Variants in VWA8 observed in about 807,000 individuals in gnomAD.
VWA8 encodes von Willebrand factor A domain containing 8, also known as von Willebrand factor A domain-containing protein 8.
In VWA8, 221 loss-of-function variants were observed where a neutral mutation model predicts 241.5. That is an observed-to-expected ratio of 0.91 (90% CI 0.82 to 1.02). The LOEUF (loss-of-function observed/expected upper bound fraction) is 1.02. Among genes scored for constraint, VWA8 ranks in the 50% least tolerant of loss-of-function variants. VWA8 has a pLI of 0.00. For synonymous variants in VWA8, 852 were observed against 827.1 expected (o/e 1.03, Z -0.52); for missense variants, 2,322 against 2,328.7 (o/e 1.00, Z 0.06).
chr13:41,611,393 C>G (rs1183250890), intron 39 of VWA8, among the ~76,000 whole-genome samples, 183 bp downstream of exon 39: 1 of 152,150 alleles, frequency 6.6e-6, no homozygotes, highest in African/African-American at 2.4e-5. Flanking sequence ...GTAGAAAGAA[C>G]AGGTGATTTT....
intron 12 of VWA8, among the ~76,000 whole-genome samples, chr13:41,841,820 A>ATAT (rs1303621935): frequency 5.4e-4 from 12 of 22,220 alleles, no homozygotes; most frequent in African/African-American, 1.9e-3. Flanking sequence ...AAAAAAAAAA[A>ATAT]ATATATATAT....
In VWA8 at chr13:41,774,863, T is replaced by C. The variant is rs772419691; in HGVS notation, c.2349+3122A>G. Among the ~76,000 whole-genome samples, 10 of 152,276 alleles carry C rather than the reference T, an allele frequency of 6.6e-5. No individual in the cohort carries two copies. In the East Asian group the frequency reaches 9.6e-4, roughly 15 times the overall value. On this transcript the variant is annotated intron_variant, in intron 20 of 44. Transcript: ENST00000379310. Reference sequence around the variant, plus strand: ...ATCAATTTACTCACTAACAATTTACTCAACTATCACAGAGAGTTAAAAAAT... The same window carrying C: ...ATCAATTTACTCACTAACAATTTACCCAACTATCACAGAGAGTTAAAAAAT...
intron 2 of VWA8, among the ~76,000 whole-genome samples, chr13:41,939,575 C>A (rs1258090857): frequency 6.6e-6 from 1 of 152,130 alleles, no homozygotes. Flanking sequence ...GTGCCCAATG[C>A]TGTGCCCAAT....
At chr13:41,750,300 G>A (rs1164456524) in intron 21 of VWA8, among the ~76,000 whole-genome samples, 1 of 151,990 alleles carries the variant, frequency 6.6e-6, no homozygotes, top group Non-Finnish European at 1.5e-5. Flanking sequence ...GGGCACAGTG[G>A]TGCGTGCCTG....
Position 41,761,190 on chromosome 13 carries a change from G to GT in VWA8, c.2363dup (p.Asn788LysfsTer5). The GT allele has an allele frequency of 6.2e-7, 1 of 1,611,340 alleles. No individual in the cohort carries two copies. Among genetic ancestry groups the GT allele is most frequent in the South Asian group, 1.1e-5 (1 of 90,978 alleles). On this transcript the variant is annotated frameshift_variant, in exon 21 of 45. Coordinates refer to ENST00000379310, the MANE Select transcript of VWA8 (RefSeq NM_015058.2). LOFTEE classifies it high-confidence loss of function. The stretch of plus-strand genomic sequence containing the variant: ...GGTGAAGGAATCTGTCAACAATCTT[G>GT]TTTTTTCCTACACCCTGTAATTACA...
rs532819870 is a variant in VWA8, at chr13:41,637,394, C to A, written c.4612-22310G>T. Among the ~76,000 whole-genome samples, 3 of 123,908 alleles carry A rather than the reference C, an allele frequency of 2.4e-5. No homozygotes were observed. In the South Asian group the frequency reaches 7.9e-4, roughly 33 times the overall value. The allele number at this position is 123,908 out of a possible 152,430, so 81.3% of individuals were successfully genotyped here. A position where few individuals can be genotyped will look rare whatever the true frequency, so the allele number is the denominator to read the frequency against. Reference sequence around the variant, plus strand: ...CACGTGGACACAGGAAGGGGAACATCACACTCTGGGGCCTGTTGTGGGGTG... The same window carrying A: ...CACGTGGACACAGGAAGGGGAACATAACACTCTGGGGCCTGTTGTGGGGTG... On this transcript the variant is annotated intron_variant, in intron 37 of 44. Coordinates refer to ENST00000379310, the MANE Select transcript of VWA8 (RefSeq NM_015058.2).
chr13:41,747,229 A>T (rs2045615034), intron 21 of VWA8, among the ~76,000 whole-genome samples: 1 of 152,218 alleles, frequency 6.6e-6, no homozygotes, highest in African/African-American at 2.4e-5. Context: ...CCTATCCATG[A>T]GCATGGAATG....
chr13:41,767,282 G>A (rs928195551), intron 20 of VWA8, among the ~76,000 whole-genome samples: 2 of 151,944 alleles, frequency 1.3e-5, no homozygotes, highest in African/African-American at 4.8e-5. Context: ...AATTCCAATT[G>A]CTTTAAAAAA....
intron 17 of VWA8, among the ~76,000 whole-genome samples, chr13:41,801,285 T>C (rs1030295501): frequency 5.3e-5 from 8 of 152,196 alleles, no homozygotes; most frequent in African/African-American, 1.4e-4. Context: ...CCTATACTTA[T>C]TCATTCTTCA....
intron 36 of VWA8, among the ~76,000 whole-genome samples, chr13:41,673,041 A>G (rs1408877219): frequency 2.0e-5 from 3 of 152,180 alleles, no homozygotes; most frequent in Non-Finnish European, 2.9e-5. Flanking sequence ...AAGAAATTAC[A>G]TATTTACTAC....
intron 35 of VWA8, among the ~76,000 whole-genome samples, chr13:41,684,216 T>C (rs2045119608): frequency 1.3e-5 from 2 of 152,212 alleles, no homozygotes; most frequent in African/African-American, 4.8e-5. Context: ...TAATTCCAAA[T>C]GTTATCATAT....
At chr13:41,580,772 GGC>G (rs2044377270) in intron 42 of VWA8, among the ~76,000 whole-genome samples, 1 of 152,148 alleles carries the variant, frequency 6.6e-6, no homozygotes, top group African/African-American at 2.4e-5. Context: ...TGTGACCTTG[GGC>G]AAAGCATTGA....
At chr13:41,893,319 G>T (rs1470266417) in intron 4 of VWA8, among the ~76,000 whole-genome samples, 2 of 152,078 alleles carry the variant, frequency 1.3e-5, no homozygotes, top group African/African-American at 4.8e-5. Flanking sequence ...GTTGTAAAAT[G>T]ATAAACTTTA....
chr13:41,950,550 A>G (rs1350535798), intron 1 of VWA8, among the ~76,000 whole-genome samples: 1 of 149,982 alleles, frequency 6.7e-6, no homozygotes, highest in Non-Finnish European at 1.5e-5. Flanking sequence ...TTGTATTTTT[A>G]GTAGAGACGG....
chr13:41,952,380 G>A (rs536746309), intron 1 of VWA8, among the ~76,000 whole-genome samples: 1 of 152,292 alleles, frequency 6.6e-6, no homozygotes, highest in South Asian at 2.1e-4. Context: ...ATGCAGGAAA[G>A]AACCTATAAA....
chr13:41,681,446 T>C (rs2045098050), intron 35 of VWA8, among the ~76,000 whole-genome samples: 1 of 152,180 alleles, frequency 6.6e-6, no homozygotes, highest in Non-Finnish European at 1.5e-5. Flanking sequence ...ACAGACCAAG[T>C]TGCAGAAGAA....
At chr13:41,598,058 G>A (rs1430717548) in intron 40 of VWA8, among the ~76,000 whole-genome samples, 1 of 152,014 alleles carries the variant, frequency 6.6e-6, no homozygotes, top group Non-Finnish European at 1.5e-5. Flanking sequence ...TTCCTGTACA[G>A]TTCCTTCTTC....
At position 41,895,831 on chromosome 13, in the gene VWA8, CTTT is replaced by C. The variant is rs59080554; in HGVS notation, c.484-4247_484-4245del. ...TTCATTTGTTTTACTTGCAAATTTT[CTTT>C]TTTTTTTTTTTTTTTAGTTTTTCTT... is the stretch of plus-strand genomic sequence containing the variant. On this transcript the variant is annotated intron_variant, in intron 4 of 44. Coordinates refer to ENST00000379310, the MANE Select transcript of VWA8 (RefSeq NM_015058.2). Among the ~76,000 whole-genome samples the C allele has an allele frequency of 4.6e-5, 6 of 130,004 alleles. No homozygotes were observed. In the South Asian group the frequency reaches 9.8e-4, roughly 21 times the overall value. The allele number at this position is 130,004 out of a possible 152,430, so 85.3% of individuals were successfully genotyped here. A position where few individuals can be genotyped will look rare whatever the true frequency, so the allele number is the denominator to read the frequency against.
At chr13:41,816,200 C>T (rs1870682671) in intron 16 of VWA8, among the ~76,000 whole-genome samples, 1 of 152,050 alleles carries the variant, frequency 6.6e-6, no homozygotes, top group African/African-American at 2.4e-5. Flanking sequence ...ATCATTGAGA[C>T]CATTTTATGC....
Sources: allele counts gnomAD v4.1 joint callset (sites outside exome capture counted in the v4.1 genomes callset), GRCh38; gene constraint gnomAD v4.1.1; transcripts MANE v1.5; gene names NCBI Gene and HGNC (gene_info 2026-07-23, HGNC 2026-07-21).